IL23R: variants seen among roughly 807,000 people sequenced by gnomAD.
IL23R encodes the protein interleukin-23 receptor.
A neutral mutation model predicts 56.9 loss-of-function variants in IL23R; 34 were observed. That is an observed-to-expected ratio of 0.60 (90% confidence interval 0.45 to 0.80). IL23R has a LOEUF of 0.80. IL23R is among the 30% of genes least tolerant of loss of function. The pLI, the probability that IL23R is intolerant of heterozygous loss-of-function variation, is 0.00. For synonymous variants in IL23R, 230 were observed against 249.2 expected, an observed-to-expected ratio of 0.92 and a Z score of 0.73; for missense variants, 635 against 730.0, an observed-to-expected ratio of 0.87 and a Z score of 1.50.
chr1:67,240,152 A>G (rs1480799848), intron 8 of IL23R, 27 bp from the exon 9 acceptor site: 2 of 1,443,146 alleles, frequency 1.4e-6, no homozygotes, highest in East Asian at 4.5e-5. Flanking sequence ...ATGCTTGGTT[A>G]AAATTATTTT....
At chr1:67,140,595 T>C (rs1646627773) in intron 1 of IL23R, among the ~76,000 whole-genome samples, 2 of 152,188 alleles carry the variant, frequency 1.3e-5, no homozygotes, top group African/African-American at 2.4e-5. Context: ...CTGTACATTG[T>C]TAGGATGGGA....
intron 7 of IL23R, among the ~76,000 whole-genome samples, chr1:67,230,718 T>A (rs906924871): frequency 6.6e-6 from 1 of 152,190 alleles, no homozygotes; most frequent in African/African-American, 2.4e-5. Context: ...ACTAAATGAT[T>A]CATTGCTTGA....
intron 9 of IL23R, among the ~76,000 whole-genome samples, chr1:67,251,403 G>C (rs563591064): frequency 6.9e-6 from 1 of 145,296 alleles, no homozygotes; most frequent in Admixed American, 7.0e-5. Flanking sequence ...AGTGAGCTGA[G>C]ATCATGCCAC....
intron 4 of IL23R, among the ~76,000 whole-genome samples, chr1:67,195,302 G>T (rs1463319812): frequency 1.3e-5 from 2 of 152,256 alleles, no homozygotes; most frequent in South Asian, 2.1e-4. Context: ...CAAAGTGCTG[G>T]GATTACAGGT....
At chr1:67,192,827 G>C (rs1358445861) in intron 4 of IL23R, among the ~76,000 whole-genome samples, 1 of 152,142 alleles carries the variant, frequency 6.6e-6, no homozygotes, top group Non-Finnish European at 1.5e-5. Context: ...TCACTTGGGA[G>C]TATAAGAACT....
At chr1:67,199,618 A>G (rs1367874663) in intron 4 of IL23R, among the ~76,000 whole-genome samples, 6 of 152,168 alleles carry the variant, frequency 3.9e-5, no homozygotes, top group Admixed American at 3.9e-4. Flanking sequence ...ATGTTCATGT[A>G]TATGCATGTA....
chr1:67,228,421 C>T (rs576041141), intron 7 of IL23R, among the ~76,000 whole-genome samples: 1 of 122,808 alleles, frequency 8.1e-6, no homozygotes, highest in East Asian at 3.3e-4. Flanking sequence ...TGGTCTTGAA[C>T]TCCTGGACTC....
At chr1:67,263,152 T>G (rs1653266134), downstream of IL23R, among the ~76,000 whole-genome samples, 2 of 127,690 alleles carry the variant, frequency 1.6e-5, no homozygotes, top group Non-Finnish European at 3.3e-5. Flanking sequence ...CCCAGGCTGG[T>G]GCACAATCAC....
rs868018244 is a variant in IL23R, at chr1:67,206,963, C to T, written c.706C>T (p.Pro236Ser). The change falls in exon 6 of 11, where the codon CCC becomes TCC. Residue 236 changes from proline (P) to serine (S), a missense_variant. Coordinates refer to ENST00000347310, the MANE Select transcript of IL23R (RefSeq NM_144701.3). ...GGCTGAGACTATAAATGCTACAGTG[C>T]CCAAGACCATAATTTATTGGGATAG... Reference protein sequence around the residue: ...SRAETINATVPKTIIYWDSQT... With the variant: ...SRAETINATVSKTIIYWDSQT... The T allele has an allele frequency of 6.2e-7, 1 of 1,603,856 alleles. No homozygotes were observed. Among genetic ancestry groups the T allele is most frequent in the Non-Finnish European group, 8.5e-7 (1 of 1,176,840 alleles).
At chr1:67,242,172 G>T (rs1366251456) in intron 9 of IL23R, among the ~76,000 whole-genome samples, 3 of 152,130 alleles carry the variant, frequency 2.0e-5, no homozygotes, top group Non-Finnish European at 4.4e-5. Context: ...AAGAGTGAAG[G>T]CCTCCTGGCA....
chr1:67,258,371 G>A (rs1038990314), intron 10 of IL23R, 107 bp from the exon 11 acceptor site: 118 of 741,270 alleles, frequency 1.6e-4, no homozygotes, highest in Admixed American at 9.7e-5. Context: ...AGAAAATGGA[G>A]GGAGAAAGGA....
Position 67,258,653 on chromosome 1 carries a change from C to T in IL23R, c.1415C>T (p.Thr472Ile), listed in dbSNP as rs1653082335. The T allele has an allele frequency of 6.2e-7, 1 of 1,613,976 alleles. No homozygotes were observed. The highest frequency in any genetic ancestry group is 8.5e-7 in the Non-Finnish European group (1 of 1,179,970). Residue 472 changes from threonine (T) to isoleucine (I), a missense_variant, in exon 11 of 11, where the codon ACT becomes ATT. Thr to Ile is a moderately conservative substitution (Grantham distance 89). Transcript: ENST00000347310. ...DYPQNSLFDN[T>I]TVVYIPDLNT... The stretch of plus-strand genomic sequence containing the variant: ...CCGCAAAACTCGCTATTCGACAATA[C>T]TACAGTTGTATATATTCCTGATCTC...
chr1:67,181,523 T>A (rs950306784), intron 3 of IL23R, among the ~76,000 whole-genome samples: 6 of 152,198 alleles, frequency 3.9e-5, no homozygotes, highest in Admixed American at 3.9e-4. Context: ...TTATTCTAGT[T>A]AGCCATCCGT....
chr1:67,230,025 C>T (rs553106113), intron 7 of IL23R, among the ~76,000 whole-genome samples: 1 of 152,332 alleles, frequency 6.6e-6, no homozygotes, highest in South Asian at 2.1e-4. Flanking sequence ...GAGCAGGACC[C>T]AGAACCACAG....
chr1:67,237,056 T>A (rs1295777590), intron 8 of IL23R, among the ~76,000 whole-genome samples: 4 of 152,208 alleles, frequency 2.6e-5, no homozygotes, highest in Admixed American at 2.6e-4. Context: ...TTTATTTTAT[T>A]TTTTGAGACG....
intron 3 of IL23R, among the ~76,000 whole-genome samples, chr1:67,177,274 C>G (rs566917698): frequency 1.3e-5 from 2 of 152,296 alleles, no homozygotes; most frequent in East Asian, 1.9e-4. Context: ...TCCTCTCCAG[C>G]ACCTGTTGTT....
At position 67,181,063 on chromosome 1, in the gene IL23R, C is replaced by T. The variant is rs539015799; in HGVS notation, c.368-1773C>T. Among the ~76,000 whole-genome samples the T allele has an allele frequency of 5.3e-5, 8 of 152,298 alleles. No individual in the cohort carries two copies. The South Asian group carries it at 1.5e-3, about 28-fold the overall frequency. ...TGGCTGTGCTTAACATTTTTTCCTT[C>T]ATTTCAACTTTGGTGAATCTGACAA... On this transcript the variant is annotated intron_variant, in intron 3 of 10. Transcript: ENST00000347310.
At chr1:67,210,816 C>T (rs548007884) in intron 6 of IL23R, among the ~76,000 whole-genome samples, 1 of 152,110 alleles carries the variant, frequency 6.6e-6, no homozygotes, top group Admixed American at 6.6e-5. Flanking sequence ...GTGAAATTAC[C>T]AGTTTTCAGC....
At chr1:67,174,069 T>G (rs1381044169) in intron 3 of IL23R, among the ~76,000 whole-genome samples, 1 of 152,178 alleles carries the variant, frequency 6.6e-6, no homozygotes, top group African/African-American at 2.4e-5. Context: ...TTTGGAAAAT[T>G]AAGTTTGTTT....
Sources: allele counts gnomAD v4.1 joint callset (sites outside exome capture counted in the v4.1 genomes callset), GRCh38; gene constraint gnomAD v4.1.1; transcripts MANE v1.5; gene names NCBI Gene and HGNC (gene_info 2026-07-23, HGNC 2026-07-21).